The following REV1 variants were observed in gnomAD, a reference collection of about 807,000 sequenced individuals.
REV1 encodes translesion synthesis protein REV1.
In REV1, 42 loss-of-function variants were observed where a neutral mutation model predicts 137.4. The observed-to-expected ratio is 0.31, with a 90% CI of 0.24 to 0.40. REV1 has a LOEUF of 0.40. Among genes scored for constraint, REV1 ranks in the 10% least tolerant of loss-of-function variants. The probability of loss-of-function intolerance (pLI) is 1.00; values close to 1 mark genes in which losing one functional copy is unlikely to be tolerated. For missense variants in REV1, 1,282 were observed against 1,490.1 expected, an observed-to-expected ratio of 0.86 and a Z score of 2.30; for synonymous variants, 524 against 519.2, an observed-to-expected ratio of 1.01 and a Z score of -0.12.
At chr2:99,450,842 C>T (rs1682844104) in intron 3 of REV1, among the ~76,000 whole-genome samples, 1 of 152,146 alleles carries the variant, frequency 6.6e-6, no homozygotes, top group African/African-American at 2.4e-5. Context: ...TACAACGCAT[C>T]TCAATTTAGA....
chr2:99,442,220 C>A, intron 5 of REV1, 97 bp downstream of exon 5: 5 of 1,197,050 alleles, frequency 4.2e-6, no homozygotes, highest in Non-Finnish European at 5.6e-6. Flanking sequence ...CCATTGCACT[C>A]CAGCCTCGGC....
At chr2:99,467,946 C>T (rs190594737) in intron 1 of REV1, among the ~76,000 whole-genome samples, 16 of 152,200 alleles carry the variant, frequency 1.1e-4, no homozygotes, top group Admixed American at 6.5e-4. Context: ...TTTGGGAGGC[C>T]GAGGTGGACA....
chr2:99,461,760 C>T (rs1684234890), intron 3 of REV1, among the ~76,000 whole-genome samples: 1 of 152,202 alleles, frequency 6.6e-6, no homozygotes. Flanking sequence ...AAAGAAGCTG[C>T]TTGTTACCAG....
rs956850153 is a variant in REV1 at position 99,429,939 on chromosome 2, G to A, written c.1448C>T (p.Pro483Leu). 1.3e-6 allele frequency: 2 copies of A among 1,574,066 alleles called. No individual in the cohort carries two copies. The highest frequency in any genetic ancestry group is 1.7e-4 in the Middle Eastern group (1 of 5,910). ...KILKGKAADI[P>L]DSSLWENPDS... ...TGGATTCTCCCACAATGATGAATCT[G>A]GTATATCTGCTTTAAAAATAAAAAA... The change falls in exon 9 of 23, where the codon CCA becomes CTA. Residue 483 changes from proline (P) to leucine (L), a missense_variant. Physicochemically the swap from Pro to Leu is moderately conservative, Grantham distance 98. Transcript: ENST00000258428.
chr2:99,415,024 C>G (rs1677659902), intron 12 of REV1, among the ~76,000 whole-genome samples: 1 of 152,166 alleles, frequency 6.6e-6, no homozygotes, highest in African/African-American at 2.4e-5. Flanking sequence ...CACAGTTCTT[C>G]TCCATGCAGG....
intron 1 of REV1, among the ~76,000 whole-genome samples, chr2:99,467,538 T>C (rs1404490497): frequency 2.0e-5 from 3 of 152,194 alleles, no homozygotes; most frequent in Non-Finnish European, 4.4e-5. Context: ...TTTTTCCCTC[T>C]GAGAACATTT....
chr2:99,443,247 A>C (rs7598629), intron 4 of REV1, among the ~76,000 whole-genome samples: 92,202 of 152,002 alleles, frequency 0.61, 28,651 homozygotes, highest in African/African-American at 0.71. Context: ...AAAACAAGCT[A>C]CTTTAATATT....
chr2:99,427,460 T>C (rs1408597984), intron 9 of REV1, among the ~76,000 whole-genome samples: 8 of 152,184 alleles, frequency 5.3e-5, no homozygotes, highest in African/African-American at 1.9e-4. Context: ...ATATACACAT[T>C]CTACTTTGTA....
At chr2:99,415,960 CG>C (rs1308455081) in intron 12 of REV1, among the ~76,000 whole-genome samples, 2 of 152,238 alleles carry the variant, frequency 1.3e-5, no homozygotes, top group Admixed American at 1.3e-4. Context: ...TATTAAGAAA[CG>C]TATTTATTAG....
Position 99,412,850 on chromosome 2 carries a change from G to A in REV1, c.2053C>T (p.Pro685Ser). 1.2e-6 allele frequency: 2 copies of A among 1,614,052 alleles called. No individual in the cohort carries two copies. Among genetic ancestry groups the A allele is most frequent in the African/African-American group, 1.3e-5 (1 of 75,016 alleles). ...CTATAAAGCATCTGACCTGTTTTGGGACCAAATTCTTTTTGGAGTTTTGCC... is the reference window on the plus strand; with the variant it reads ...CTATAAAGCATCTGACCTGTTTTGGAACCAAATTCTTTTTGGAGTTTTGCC... ...TMAKLQKEFG[P>S]KTGQMLYRFC... Residue 685 changes from proline to serine, a missense_variant, in exon 13 of 23, where the codon CCC becomes TCC. Pro to Ser is a moderately conservative substitution (Grantham distance 74, BLOSUM62 -1). Around this residue, in one of 7 missense-constraint regions of REV1, gnomAD observed 372 missense variants for 482.3 expected, o/e 0.77. Transcript: ENST00000258428.
rs1675675213 is a variant in REV1 at position 99,402,879 on chromosome 2, A to G, written c.3384+10T>C. The G allele has an allele frequency of 4.3e-6, 7 of 1,613,032 alleles. No homozygotes were observed. The highest frequency in any genetic ancestry group is 1.3e-5 in the African/African-American group (1 of 74,770). On this transcript the variant is annotated intron_variant, in intron 20 of 22. Coordinates refer to ENST00000258428, the MANE Select transcript of REV1 (RefSeq NM_016316.4). ...TTAAGATCTCATAAAGGTCAAAGTTAAGGAATTACCAGGGGTTTCTCTGCA... is the reference window on the plus strand; with the variant it reads ...TTAAGATCTCATAAAGGTCAAAGTTGAGGAATTACCAGGGGTTTCTCTGCA...
intron 21 of REV1, 133 bp from the exon 22 acceptor site, chr2:99,402,479 C>T: frequency 3.5e-6 from 3 of 846,544 alleles, no homozygotes; most frequent in Non-Finnish European, 5.6e-6. Flanking sequence ...GGCTTTGTTA[C>T]TTTTCAAAGC....
Position 99,489,883 on chromosome 2 carries a change from CCCG to C in REV1, c.-80_-78del. 3 of 150,228 alleles carry C rather than the reference CCCG, an allele frequency of 2.0e-5. No homozygotes were observed. The highest frequency in any genetic ancestry group is 4.5e-5 in the Non-Finnish European group (3 of 67,352). 9.3% of individuals were successfully genotyped at this position (150,228 alleles called of 1,614,324 possible). A position where few individuals can be genotyped will look rare whatever the true frequency, so the allele number is the denominator to read the frequency against. ...CTTCTCCGGCCTTGCGGACCCCGGCCCCGCCGCCGCCAGTGCCCTCGCCAGGGA... is the reference window on the plus strand; with the variant it reads ...CTTCTCCGGCCTTGCGGACCCCGGCCCCGCCGCCAGTGCCCTCGCCAGGGA... On this transcript the variant is annotated 5_prime_UTR_variant, in exon 1 of 23. Transcript: ENST00000258428.
intron 3 of REV1, among the ~76,000 whole-genome samples, chr2:99,459,353 T>C (rs1405942400): frequency 6.6e-6 from 1 of 152,176 alleles, no homozygotes; most frequent in Non-Finnish European, 1.5e-5. Flanking sequence ...ACAGTATCAC[T>C]ATGTGCTATG....
At chr2:99,445,131 CA>C (rs11367061) in intron 4 of REV1, among the ~76,000 whole-genome samples, 84,635 of 140,718 alleles carry the variant, frequency 0.6, 24,479 homozygotes, top group African/African-American at 0.67. Context: ...CGTTTAGGAA[CA>C]AAAAAAAAAA....
intron 13 of REV1, 50 bp from the exon 14 acceptor site, chr2:99,410,917 CTAA>C (rs1245269441): frequency 5.6e-6 from 8 of 1,440,546 alleles, no homozygotes; most frequent in African/African-American, 1.4e-5. Context: ...TCCTATATAC[CTAA>C]TAATTGTTCT....
At chr2:99,404,299 G>T in intron 18 of REV1, 145 bp downstream of exon 18, 1 of 683,854 alleles carries the variant, frequency 1.5e-6, no homozygotes. Context: ...ATGGAGACAA[G>T]CCCACTCTCC....
Position 99,438,878 on chromosome 2 carries a change from A to T in REV1, c.936T>A (p.Ala312=), listed in dbSNP as rs748573512. The T allele has an allele frequency of 2.5e-6, 4 of 1,614,212 alleles. No individual in the cohort carries two copies. In the South Asian group the frequency reaches 4.4e-5, roughly 18 times the overall value. ...AAGGCCCCTGAACAGTGGAGTGGTG[A>T]GCACCATTGATTTTAGTGTTACTGT... The part of the protein sequence containing the change: ...PLHSNTKING[A]HHSTVQGPSS... Residue 312 remains alanine, a synonymous_variant, in exon 6 of 23, where the codon GCT becomes GCA. Coordinates refer to ENST00000258428, the MANE Select transcript of REV1 (RefSeq NM_016316.4).
chr2:99,465,139 A>G (rs1371244513), intron 1 of REV1, among the ~76,000 whole-genome samples, 154 bp from the exon 2 acceptor site: 2 of 152,176 alleles, frequency 1.3e-5, no homozygotes, highest in Admixed American at 6.5e-5. Context: ...GAAGTTCTCC[A>G]TTCTCCAGCT....
Sources: gnomAD v4.1 joint callset for allele counts (sites outside exome capture counted in the v4.1 genomes callset) on GRCh38, gnomAD v4.1.1 for gene constraint, gnomAD v4.1.1 regional missense constraint, MANE v1.5 for transcripts, NCBI Gene and HGNC (gene_info 2026-07-23, HGNC 2026-07-21) for gene names.